The following LRRTM4 variants were observed in gnomAD, a reference collection of about 807,000 sequenced individuals.
LRRTM4 encodes the protein leucine rich repeat transmembrane neuronal 4, also known as leucine-rich repeat transmembrane neuronal protein 4.
In LRRTM4, 25 loss-of-function variants were observed where a neutral mutation model predicts 47.6. The observed-to-expected ratio is 0.53, with a 90% CI of 0.38 to 0.73. LRRTM4 has a LOEUF of 0.73. LRRTM4 is among the 30% of genes least tolerant of loss of function. LRRTM4 has a pLI of 0.00. For synonymous variants in LRRTM4, 311 were observed against 269.5 expected (o/e 1.15, Z -1.51); for missense variants, 638 against 713.4 (o/e 0.89, Z 1.20).
intron 3 of LRRTM4, among the ~76,000 whole-genome samples, chr2:76,865,339 G>C (rs1382549169): frequency 6.6e-6 from 1 of 152,054 alleles, no homozygotes; most frequent in African/African-American, 2.4e-5. Context: ...GATGCTCTCA[G>C]GTAGTGAAAA....
intron 3 of LRRTM4, among the ~76,000 whole-genome samples, chr2:77,285,357 T>TATATATATATATATATATATATATAC (rs1225916450): frequency 1.4e-5 from 2 of 143,114 alleles, no homozygotes; most frequent in Non-Finnish European, 3.1e-5. Context: ...TATATATATA[T>TATATATATATATATATATATATATAC]ATATATGGCC....
chr2:77,140,917 G>T (rs575381647), intron 3 of LRRTM4, among the ~76,000 whole-genome samples: 1 of 152,028 alleles, frequency 6.6e-6, no homozygotes, highest in Admixed American at 6.6e-5. Context: ...CAAAACCACA[G>T]TGAGATACCA....
chr2:77,437,909 G>A (rs1675667227), intron 3 of LRRTM4, among the ~76,000 whole-genome samples: 2 of 152,060 alleles, frequency 1.3e-5, no homozygotes, highest in South Asian at 4.1e-4. Context: ...ACAATTAGCA[G>A]TATACTTTGT....
At chr2:77,184,312 G>T (rs897510713) in intron 3 of LRRTM4, among the ~76,000 whole-genome samples, 1 of 152,076 alleles carries the variant, frequency 6.6e-6, no homozygotes, top group Admixed American at 6.6e-5. Context: ...ATGCCCAAAG[G>T]TTTCAATATT....
intron 3 of LRRTM4, among the ~76,000 whole-genome samples, chr2:76,994,407 A>T (rs1425203163): frequency 6.6e-6 from 1 of 151,954 alleles, no homozygotes; most frequent in Middle Eastern, 3.2e-3. Context: ...CAAGCATCCA[A>T]AATGGGCCCT....
At chr2:77,046,516 T>C (rs191900243) in intron 3 of LRRTM4, among the ~76,000 whole-genome samples, 4 of 152,080 alleles carry the variant, frequency 2.6e-5, no homozygotes, top group Admixed American at 2.0e-4. Context: ...ACAGTCTCAA[T>C]GATGATGTCC....
At chr2:76,833,330 C>A (rs997775335) in intron 3 of LRRTM4, among the ~76,000 whole-genome samples, 3 of 152,018 alleles carry the variant, frequency 2.0e-5, no homozygotes, top group Non-Finnish European at 2.9e-5. Flanking sequence ...GCCATTTGTC[C>A]TCCAACTTTG....
intron 3 of LRRTM4, among the ~76,000 whole-genome samples, chr2:76,891,011 T>G (rs757761840): frequency 5.3e-5 from 8 of 151,712 alleles, no homozygotes; most frequent in Non-Finnish European, 1.2e-4. Flanking sequence ...ATTCCTGACA[T>G]GGCAACAGAA....
At chr2:77,295,420 C>T (rs777379779) in intron 3 of LRRTM4, among the ~76,000 whole-genome samples, 13 of 152,098 alleles carry the variant, frequency 8.5e-5, no homozygotes, top group Non-Finnish European at 1.3e-4. Context: ...GGAGCTCTTA[C>T]GTTTGTCACC....
chr2:76,961,969 G>A (rs923896774), intron 3 of LRRTM4, among the ~76,000 whole-genome samples: 2 of 151,162 alleles, frequency 1.3e-5, no homozygotes, highest in Non-Finnish European at 3.0e-5. Context: ...TATGAATATA[G>A]TATTTCTGGT....
intron 3 of LRRTM4, among the ~76,000 whole-genome samples, chr2:77,093,774 C>G (rs1303920399): frequency 6.6e-6 from 1 of 151,940 alleles, no homozygotes; most frequent in African/African-American, 2.4e-5. Context: ...TGAATATGCC[C>G]TGCCCCGCCT....
intron 3 of LRRTM4, among the ~76,000 whole-genome samples, chr2:76,984,382 T>C (rs1391931117): frequency 1.3e-5 from 2 of 152,124 alleles, no homozygotes; most frequent in East Asian, 1.9e-4. Context: ...TTACTAGATG[T>C]TTATGTCAAA....
At chr2:77,335,203 G>A (rs1174251594) in intron 3 of LRRTM4, among the ~76,000 whole-genome samples, 9 of 152,196 alleles carry the variant, frequency 5.9e-5, no homozygotes, top group South Asian at 2.1e-4. Flanking sequence ...ATCCAGGTTC[G>A]ATCTGTCTAT....
intron 3 of LRRTM4, among the ~76,000 whole-genome samples, chr2:77,307,980 A>C (rs1677334962): frequency 8.7e-6 from 1 of 115,354 alleles, no homozygotes. Context: ...TTATAGAAAT[A>C]TAAATATATA....
intron 3 of LRRTM4, among the ~76,000 whole-genome samples, chr2:77,095,911 A>T (rs1218447474): frequency 6.6e-6 from 1 of 152,210 alleles, no homozygotes; most frequent in Non-Finnish European, 1.5e-5. Flanking sequence ...ATCGGATAGT[A>T]CAAAGTCTTG....
chr2:77,430,304 C>A (rs2103903303), intron 3 of LRRTM4, among the ~76,000 whole-genome samples: 1 of 152,058 alleles, frequency 6.6e-6, no homozygotes, highest in African/African-American at 2.4e-5. Flanking sequence ...GTCTTATATC[C>A]CATATAATCA....
At chr2:77,486,926 T>C (rs11126611) in intron 3 of LRRTM4, among the ~76,000 whole-genome samples, 34,400 of 152,222 alleles carry the variant, frequency 0.23, 4,110 homozygotes, top group Middle Eastern at 0.31. Flanking sequence ...AGATATTACA[T>C]GCAGAAAAAA....
intron 3 of LRRTM4, among the ~76,000 whole-genome samples, chr2:76,847,314 A>G: frequency 6.6e-6 from 1 of 152,146 alleles, no homozygotes; most frequent in East Asian, 1.9e-4. Flanking sequence ...TCCGATAGAA[A>G]AGATGTTTTC....
intron 3 of LRRTM4, among the ~76,000 whole-genome samples, chr2:76,793,187 A>ATACTC (rs538676448): frequency 6.6e-6 from 1 of 152,196 alleles, no homozygotes; most frequent in Admixed American, 6.5e-5. Flanking sequence ...TAACCTATTT[A>ATACTC]TACTCTAGGT....
Sources: gnomAD v4.1 joint callset for allele counts (sites outside exome capture counted in the v4.1 genomes callset) on GRCh38, gnomAD v4.1.1 for gene constraint, MANE v1.5 for transcripts, NCBI Gene and HGNC (gene_info 2026-07-23, HGNC 2026-07-21) for gene names.